Variants in SLC4A10 observed in about 807,000 individuals in gnomAD.
The protein encoded by SLC4A10 is solute carrier family 4 member 10, also known as sodium-driven chloride bicarbonate exchanger.
In SLC4A10, 42 loss-of-function variants were observed where a neutral mutation model predicts 137.7. That is an observed-to-expected ratio of 0.30 (90% confidence interval 0.24 to 0.39). The LOEUF (loss-of-function observed/expected upper bound fraction) is 0.39. Ranked by LOEUF, SLC4A10 falls within the 10% of genes least tolerant of loss-of-function variation. The probability of loss-of-function intolerance (pLI) is 1.00; values close to 1 mark genes in which losing one functional copy is unlikely to be tolerated. For synonymous variants in SLC4A10, 474 were observed against 464.1 expected (o/e 1.02, Z -0.27); for missense variants, 925 against 1,355.0 (o/e 0.68, Z 4.98).
chr2:161,873,530 C>CAAA (rs759717096), intron 7 of SLC4A10, among the ~76,000 whole-genome samples: 947 of 17,326 alleles, frequency 0.055, 82 homozygotes, highest in Non-Finnish European at 0.07. Context: ...GACCACATCT[C>CAAA]AAAAAAAAAA....
At chr2:161,702,474 T>G (rs2043228385) in intron 1 of SLC4A10, among the ~76,000 whole-genome samples, 1 of 151,780 alleles carries the variant, frequency 6.6e-6, no homozygotes, top group African/African-American at 2.4e-5. Flanking sequence ...AGTTGACACA[T>G]TAAAAAATAT....
At chr2:161,762,317 A>T (rs2050335732) in intron 1 of SLC4A10, among the ~76,000 whole-genome samples, 1 of 152,028 alleles carries the variant, frequency 6.6e-6, no homozygotes, top group Non-Finnish European at 1.5e-5. Flanking sequence ...TGGCACTATA[A>T]TATATGTGGT....
At chr2:161,892,699 G>C (rs992380710) in intron 10 of SLC4A10, among the ~76,000 whole-genome samples, 2 of 152,020 alleles carry the variant, frequency 1.3e-5, no homozygotes, top group African/African-American at 4.8e-5. Context: ...ATTTAGGCCA[G>C]CATAAAGAAT....
intron 1 of SLC4A10, among the ~76,000 whole-genome samples, chr2:161,703,470 A>G (rs1213318738): frequency 6.6e-6 from 1 of 151,700 alleles, no homozygotes; most frequent in East Asian, 1.9e-4. Flanking sequence ...AATATCAATA[A>G]TGGTTATCTC....
At chr2:161,844,328 GTGGATTAAGAACAGGTGTGAAAATAATA>G (rs1381760774) in intron 4 of SLC4A10, among the ~76,000 whole-genome samples, 2 of 152,120 alleles carry the variant, frequency 1.3e-5, no homozygotes, top group Non-Finnish European at 2.9e-5. Flanking sequence ...GGAAAATAAT[GTGGATTAAGAACAGGTGTGAAAATAATA>G]TGGATTAAGA....
intron 1 of SLC4A10, among the ~76,000 whole-genome samples, chr2:161,678,049 A>T (rs908913533): frequency 6.6e-6 from 1 of 151,704 alleles, no homozygotes; most frequent in Non-Finnish European, 1.5e-5. Context: ...CACCCACCTC[A>T]TTTTCTTGCT....
intron 1 of SLC4A10, among the ~76,000 whole-genome samples, chr2:161,704,979 A>G (rs377037641): frequency 6.6e-6 from 1 of 151,662 alleles, no homozygotes; most frequent in Admixed American, 6.6e-5. Context: ...ACTAATTTAC[A>G]CTTTTTAAAG....
At chr2:161,840,037 T>C in intron 4 of SLC4A10, 110 bp downstream of exon 4, 1 of 1,357,040 alleles carries the variant, frequency 7.4e-7, no homozygotes, top group Non-Finnish European at 1.0e-6. Flanking sequence ...CTGCTGATTT[T>C]AGAAGTTGCT....
intron 10 of SLC4A10, among the ~76,000 whole-genome samples, chr2:161,894,259 C>A (rs552499893): frequency 1.3e-5 from 2 of 152,050 alleles, no homozygotes; most frequent in Admixed American, 6.6e-5. Context: ...ACAAAATTAA[C>A]CTTTTAAATT....
rs562389348 is a variant in SLC4A10 at position 161,882,380 on chromosome 2, C to G, written c.1130C>G (p.Pro377Arg). The G allele has an allele frequency of 6.3e-7, 1 of 1,586,748 alleles. No individual in the cohort carries two copies. The highest frequency in any genetic ancestry group is 1.4e-5 in the African/African-American group (1 of 73,948). The change falls in exon 10 of 27, where the codon CCC (proline) becomes CGC (arginine). Residue 377 changes from proline (P) to arginine (R), a missense_variant. Around this residue, in one of 11 missense-constraint regions of SLC4A10, gnomAD observed 277 missense variants for 306.1 expected, o/e 0.90. Coordinates refer to ENST00000446997, the MANE Select transcript of SLC4A10 (RefSeq NM_001178015.2). ...AGATTTTTGTTCATTCTTCTGGGAC[C>G]CCTGGGAAAGGGTCAACAGTACCAT... ...PTRFLFILLG[P>R]LGKGQQYHEI...
At chr2:161,742,968 G>C (rs1321811273) in intron 1 of SLC4A10, among the ~76,000 whole-genome samples, 1 of 151,992 alleles carries the variant, frequency 6.6e-6, no homozygotes, top group Admixed American at 6.6e-5. Context: ...TAGATTATTA[G>C]ATTTTTTTTA....
chr2:161,950,572 C>T (rs990383994), intron 18 of SLC4A10, 115 bp from the exon 19 acceptor site: 1 of 826,584 alleles, frequency 1.2e-6, no homozygotes, highest in Non-Finnish European at 1.9e-6. Flanking sequence ...TTATTATAGG[C>T]CACTCAGCTC....
At position 161,826,432 on chromosome 2, in the gene SLC4A10, T is replaced by C. The variant is rs553332390; in HGVS notation, c.278-13357T>C. ...AAATGGAAGTTTTTCAATTCACTTCTGTCATTGTACTTGTAATGCTGGCAT... is the reference window on the plus strand; with the variant it reads ...AAATGGAAGTTTTTCAATTCACTTCCGTCATTGTACTTGTAATGCTGGCAT... On this transcript the variant is annotated intron_variant, in intron 3 of 26. Transcript: ENST00000446997. 1.1e-3 allele frequency among the ~76,000 whole-genome samples: 169 copies of C among 152,346 alleles called. 1 individual carries two copies. Among genetic ancestry groups the C allele is most frequent in the Non-Finnish European group, 2.0e-3 (139 of 68,022 alleles).
At chr2:161,933,287 CTCTT>C (rs1307912608) in intron 15 of SLC4A10, among the ~76,000 whole-genome samples, 17 of 123,052 alleles carry the variant, frequency 1.4e-4, no homozygotes, top group Admixed American at 2.7e-4. Context: ...CTTTTTCTTT[CTCTT>C]TCTTTGTTTC....
intron 1 of SLC4A10, among the ~76,000 whole-genome samples, chr2:161,711,894 T>C (rs1333887120): frequency 2.0e-5 from 3 of 151,796 alleles, no homozygotes; most frequent in Non-Finnish European, 4.4e-5. Context: ...TGAGTTAATG[T>C]ATGTGAAACA....
At chr2:161,907,705 A>G (rs1286021230) in intron 15 of SLC4A10, among the ~76,000 whole-genome samples, 2 of 152,234 alleles carry the variant, frequency 1.3e-5, no homozygotes, top group African/African-American at 2.4e-5. Context: ...GCTAAGGAAT[A>G]GGGCAGAAAA....
At chr2:161,936,309 A>G (rs1691574357) in intron 15 of SLC4A10, among the ~76,000 whole-genome samples, 1 of 152,048 alleles carries the variant, frequency 6.6e-6, no homozygotes, top group African/African-American at 2.4e-5. Context: ...ATGAGTTTGG[A>G]TGTACTTCTC....
At chr2:161,753,433 A>G (rs1393362298) in intron 1 of SLC4A10, among the ~76,000 whole-genome samples, 1 of 152,194 alleles carries the variant, frequency 6.6e-6, no homozygotes, top group Admixed American at 6.5e-5. Flanking sequence ...AAATTTAGCC[A>G]AATAACATGG....
rs895689120 is a variant in SLC4A10 at position 161,627,180 on chromosome 2, T to C, written c.48+2614T>C. ...CAATGTTGCTGTAAAATGAATATATTATTGCTATATTCATCTCAAAGTAGA... is the reference window on the plus strand; with the variant it reads ...CAATGTTGCTGTAAAATGAATATATCATTGCTATATTCATCTCAAAGTAGA... On this transcript the variant is annotated intron_variant, in intron 1 of 26. Coordinates refer to ENST00000446997, the MANE Select transcript of SLC4A10 (RefSeq NM_001178015.2). Among the ~76,000 whole-genome samples the C allele has an allele frequency of 2.6e-5, 4 of 152,220 alleles. No homozygotes were observed. In the East Asian group the frequency reaches 7.8e-4, roughly 29 times the overall value.
Sources: gnomAD v4.1 joint callset for allele counts (sites outside exome capture counted in the v4.1 genomes callset) on GRCh38, gnomAD v4.1.1 for gene constraint, gnomAD v4.1.1 regional missense constraint, MANE v1.5 for transcripts, NCBI Gene and HGNC (gene_info 2026-07-23, HGNC 2026-07-21) for gene names.